PGLYRP3: variants seen among roughly 807,000 people sequenced by gnomAD.
PGLYRP3 encodes peptidoglycan recognition protein 3.
PGLYRP3 carries 39 observed loss-of-function variants against 36.0 expected under a neutral mutation model. The observed-to-expected ratio is 1.08, with a 90% CI of 0.84 to 1.41. The LOEUF is 1.41. PGLYRP3 is among the 40% of genes most tolerant of loss of function. The pLI is 0.00. For missense variants in PGLYRP3, 407 were observed against 427.9 expected (o/e 0.95, Z 0.43); for synonymous variants, 204 against 172.8 (o/e 1.18, Z -1.42).
At chr1:153,304,091 C>G in intron 4 of PGLYRP3, 82 bp from the exon 5 acceptor site, 1 of 1,321,884 alleles carries the variant, frequency 7.6e-7, no homozygotes, top group South Asian at 1.4e-5. Flanking sequence ...GATGATATGA[C>G]CACTTGAGCC....
chr1:153,298,287 A>G (rs1338710190), intron 7 of PGLYRP3, among the ~76,000 whole-genome samples, 153 bp from the exon 8 acceptor site: 1 of 152,162 alleles, frequency 6.6e-6, no homozygotes, highest in African/African-American at 2.4e-5. Context: ...TGTGGCAATC[A>G]GGCACAAAAA....
rs1404787987 is a variant in PGLYRP3, at chr1:153,297,334, A to G, written c.*622T>C. ...GCTGCATCCAAATATGTACCAGTCC[A>G]TGTGTGAGCAGAGAGGGGGGGTGGG... On this transcript the variant is annotated 3_prime_UTR_variant, in exon 8 of 8. Transcript: ENST00000683862. 7.0e-6 allele frequency among the ~76,000 whole-genome samples: 1 copy of G among 143,048 alleles called. No homozygotes were observed. The highest frequency in any genetic ancestry group is 1.5e-5 in the Non-Finnish European group (1 of 65,546). The allele number at this position is 143,048 out of a possible 152,430, so 93.8% of individuals were successfully genotyped here.
intron 3 of PGLYRP3, among the ~76,000 whole-genome samples, chr1:153,306,153 G>A (rs988763498): frequency 2.0e-5 from 3 of 152,020 alleles, no homozygotes; most frequent in African/African-American, 7.2e-5. Flanking sequence ...GGGTGCTGGG[G>A]GCCAAAACCA....
chr1:153,307,997 TC>T (rs1304769193), intron 2 of PGLYRP3, among the ~76,000 whole-genome samples: 2 of 118,282 alleles, frequency 1.7e-5, no homozygotes, highest in African/African-American at 6.2e-5. Flanking sequence ...TCCTTCTCTC[TC>T]TCTTTTTTTT....
At position 153,300,368 on chromosome 1, in the gene PGLYRP3, C is replaced by T. The variant is rs1316371890; in HGVS notation, c.729-1137G>A. Among the ~76,000 whole-genome samples, 8 of 152,338 alleles carry T rather than the reference C, an allele frequency of 5.3e-5. No individual in the cohort carries two copies. In the South Asian group the frequency reaches 1.4e-3, roughly 28 times the overall value. ...GCCTTGATTAGAGACTCATCATATA[C>T]ATTATCCTGTTCTGCATCCATCACA... On this transcript the variant is annotated intron_variant, in intron 6 of 7. Transcript: ENST00000683862.
rs60469002 is a variant in PGLYRP3, at chr1:153,304,383, T to G, written c.377-374A>C. On this transcript the variant is annotated intron_variant, in intron 4 of 7. Coordinates refer to ENST00000683862, the MANE Select transcript of PGLYRP3 (RefSeq NM_052891.3). ...CCTGATCAGGTGTGCAGTAGGCTTT[T>G]TATATCTGTTAACTCATAACTCTCA... Among the ~76,000 whole-genome samples, 470 of 152,280 alleles carry G rather than the reference T, an allele frequency of 3.1e-3. 11 individuals carry two copies. The East Asian group carries it at 0.066, about 21-fold the overall frequency.
At chr1:153,305,268 CAT>C (rs1407285065) in intron 3 of PGLYRP3, among the ~76,000 whole-genome samples, 1 of 152,130 alleles carries the variant, frequency 6.6e-6, no homozygotes, top group Non-Finnish European at 1.5e-5. Context: ...ATTTAGCTTG[CAT>C]GTGTTTTCCA....
At chr1:153,301,925 T>A (rs1659606673) in intron 6 of PGLYRP3, among the ~76,000 whole-genome samples, 1 of 152,164 alleles carries the variant, frequency 6.6e-6, no homozygotes. Flanking sequence ...ATTGTCCCTA[T>A]TGTAGAGATG....
At chr1:153,303,013 C>A (rs6671883) in intron 5 of PGLYRP3, among the ~76,000 whole-genome samples, 2,856 of 152,306 alleles carry the variant, frequency 0.019, 63 homozygotes, top group East Asian at 0.098. Context: ...TTGGAAACAA[C>A]TTGAAATCTA....
At chr1:153,311,763 G>T (rs1659901491) in intron 1 of PGLYRP3, among the ~76,000 whole-genome samples, 1 of 152,216 alleles carries the variant, frequency 6.6e-6, no homozygotes, top group Admixed American at 6.5e-5. Context: ...TTTTTAAACT[G>T]CAATCAGCAG....
chr1:153,312,342 G>A (rs1337656105), intron 1 of PGLYRP3, among the ~76,000 whole-genome samples: 3 of 152,212 alleles, frequency 2.0e-5, no homozygotes, highest in African/African-American at 4.8e-5. Context: ...CAGGAGACAA[G>A]TGAGACATAA....
intron 6 of PGLYRP3, among the ~76,000 whole-genome samples, chr1:153,301,454 AG>A (rs1408924233): frequency 9.2e-5 from 14 of 152,238 alleles, no homozygotes; most frequent in Non-Finnish European, 1.8e-4. Flanking sequence ...ACGGGGATGG[AG>A]TCTCTAAAGA....
intron 5 of PGLYRP3, 69 bp downstream of exon 5, chr1:153,303,788 C>T (rs1347613253): frequency 1.3e-6 from 2 of 1,522,710 alleles, no homozygotes; most frequent in Non-Finnish European, 1.8e-6. Flanking sequence ...AAAAAGCACT[C>T]CCAAACATGA....
At chr1:153,299,593 C>T (rs1342779542) in intron 6 of PGLYRP3, among the ~76,000 whole-genome samples, 2 of 152,108 alleles carry the variant, frequency 1.3e-5, no homozygotes, top group African/African-American at 2.4e-5. Context: ...CCTCCTTGTT[C>T]TCCTCCTCCT....
intron 6 of PGLYRP3, among the ~76,000 whole-genome samples, chr1:153,299,501 A>T (rs1659533378): frequency 2.0e-5 from 3 of 152,086 alleles, no homozygotes; most frequent in African/African-American, 7.2e-5. Context: ...TACAATGGAC[A>T]CTTACTTTAC....
intron 5 of PGLYRP3, among the ~76,000 whole-genome samples, chr1:153,303,512 A>G (rs1263225887): frequency 6.6e-6 from 1 of 152,222 alleles, no homozygotes; most frequent in Non-Finnish European, 1.5e-5. Flanking sequence ...TTCTCACTGA[A>G]GTGCAAGCTT....
chr1:153,300,107 G>A (rs1659548232), intron 6 of PGLYRP3, among the ~76,000 whole-genome samples: 1 of 152,032 alleles, frequency 6.6e-6, no homozygotes, highest in Non-Finnish European at 1.5e-5. Flanking sequence ...CTGCTATGAG[G>A]CCCTCCGTGA....
At chr1:153,306,527 G>A (rs1227206652) in intron 3 of PGLYRP3, among the ~76,000 whole-genome samples, 1 of 152,222 alleles carries the variant, frequency 6.6e-6, no homozygotes, top group Non-Finnish European at 1.5e-5. Flanking sequence ...TGGTCTTTCA[G>A]GGTAACAAGT....
In PGLYRP3 at chr1:153,297,959, G is replaced by T. The variant is rs1466806007; in HGVS notation, c.1023C>A (p.His341Gln). ...CTCAAAGGGAGTGGGGCCTCCTTCA[G>T]TGCTTGAAATGAGGCCAGGTGCTGA... The part of the protein sequence containing the change: ...NIISTWPHFK[H>Q] The change falls in exon 8 of 8, where the codon CAC becomes CAA. Residue 341 changes from histidine to glutamine, a missense_variant. Transcript: ENST00000683862. 1.9e-6 allele frequency: 3 copies of T among 1,613,750 alleles called. No homozygotes were observed. The highest frequency in any genetic ancestry group is 4.5e-5 in the East Asian group (2 of 44,868).
Sources: gnomAD v4.1 joint callset for allele counts (sites outside exome capture counted in the v4.1 genomes callset) on GRCh38, gnomAD v4.1.1 for gene constraint, MANE v1.5 for transcripts, NCBI Gene and HGNC (gene_info 2026-07-23, HGNC 2026-07-21) for gene names.